Variants in PKD2L1 observed in about 807,000 individuals in gnomAD.
The protein encoded by PKD2L1 is polycystin 2 like 1, transient receptor potential cation channel.
PKD2L1 carries 77 observed loss-of-function variants against 93.0 expected under a neutral mutation model. The ratio of observed to expected loss-of-function variants is 0.83; its 90% CI spans 0.69 to 1.00. The LOEUF (loss-of-function observed/expected upper bound fraction) is 1.00. Among genes scored for constraint, PKD2L1 ranks in the 50% least tolerant of loss-of-function variants. The pLI is 0.00. For missense variants in PKD2L1, 977 were observed against 990.9 expected (o/e 0.99, Z 0.19); for synonymous variants, 390 against 388.0 (o/e 1.01, Z -0.06).
Position 100,304,871 on chromosome 10 carries a change from G to A in PKD2L1, c.350-5153C>T, listed in dbSNP as rs1848762577. 2.0e-5 allele frequency among the ~76,000 whole-genome samples: 3 copies of A among 152,186 alleles called. No homozygotes were observed. In the South Asian group the frequency reaches 6.2e-4, roughly 32 times the overall value. ...ATGTAGCAGAATGAGCATGAGCACT[G>A]CAGCCAGACAGATCTAGGTTCAAAT... is the stretch of plus-strand genomic sequence containing the variant. On this transcript the variant is annotated intron_variant, in intron 2 of 15. Coordinates refer to ENST00000318222, the MANE Select transcript of PKD2L1 (RefSeq NM_016112.3).
At chr10:100,300,316 C>CA (rs1564884896) in intron 2 of PKD2L1, among the ~76,000 whole-genome samples, 1 of 152,050 alleles carries the variant, frequency 6.6e-6, no homozygotes, top group Non-Finnish European at 1.5e-5. Flanking sequence ...GAGAGCGACT[C>CA]AGTGTTCCCA....
In PKD2L1 at chr10:100,297,137, C is replaced by T. The variant is rs564442829; in HGVS notation, c.1028G>A (p.Arg343His). 1.4e-5 allele frequency: 22 copies of T among 1,614,128 alleles called. No individual in the cohort carries two copies. The highest frequency in any genetic ancestry group is 7.7e-5 in the South Asian group (7 of 91,082). ...SWQIRTVKLI[R>H]YVSNWDFFIV... is the part of the protein sequence containing the mutation. ...AAAGAAGTCCCAGTTGCTGACATAG[C>T]GGATCAGCTTGACTGTGCGGATTTG... The change falls in exon 6 of 16, where the codon CGC (arginine) becomes CAC (histidine). Residue 343 changes from arginine (R) to histidine (H), a missense_variant. Coordinates refer to ENST00000318222, the MANE Select transcript of PKD2L1 (RefSeq NM_016112.3).
At position 100,325,269 on chromosome 10, in the gene PKD2L1, G is replaced by A. The variant is rs1411590550; in HGVS notation, c.349+3942C>T. The stretch of plus-strand genomic sequence containing the variant: ...TTTTTACACTCTTGGGGGCTACATC[G>A]TCCCCACTGAGAACCTATGGTCTAG... On this transcript the variant is annotated intron_variant, in intron 2 of 15. Coordinates refer to ENST00000318222, the MANE Select transcript of PKD2L1 (RefSeq NM_016112.3). 3.3e-5 allele frequency among the ~76,000 whole-genome samples: 5 copies of A among 152,042 alleles called. No individual in the cohort carries two copies. The East Asian group carries it at 5.8e-4, about 18-fold the overall frequency.
rs189324946 is a variant in PKD2L1 at position 100,296,738 on chromosome 10, A to G, written c.1185+242T>C. 4.5e-3 allele frequency among the ~76,000 whole-genome samples: 612 copies of G among 137,334 alleles called. 5 individuals are homozygous for G. Among genetic ancestry groups the G allele is most frequent in the African/African-American group, 0.015 (575 of 38,826 alleles). The allele number at this position is 137,334 out of a possible 152,430, so 90.1% of individuals were successfully genotyped here. A position where few individuals can be genotyped will look rare whatever the true frequency, so the allele number is the denominator to read the frequency against. On this transcript the variant is annotated intron_variant, in intron 6 of 15. Coordinates refer to ENST00000318222, the MANE Select transcript of PKD2L1 (RefSeq NM_016112.3). ...AGAGAGGAGCAGAATATAGTACACT[A>G]AAAAAAAAAAACACAGGGCTCAGAT...
intron 2 of PKD2L1, among the ~76,000 whole-genome samples, chr10:100,300,928 G>T (rs150236221): frequency 6.6e-6 from 1 of 152,132 alleles, no homozygotes; most frequent in Non-Finnish European, 1.5e-5. Flanking sequence ...CTCCGCTATC[G>T]GGGGAACCTG....
chr10:100,312,776 T>C (rs1022847973), intron 2 of PKD2L1, among the ~76,000 whole-genome samples: 1 of 152,036 alleles, frequency 6.6e-6, no homozygotes, highest in South Asian at 2.1e-4. Flanking sequence ...CAGAATTGCA[T>C]AAAGAGTTTA....
chr10:100,302,695 A>C (rs202211635), intron 2 of PKD2L1, among the ~76,000 whole-genome samples: 312 of 53,838 alleles, frequency 5.8e-3, no homozygotes, highest in African/African-American at 0.017. Flanking sequence ...CTGTCCCCCA[A>C]AAAAAAAAAA....
chr10:100,327,444 G>A (rs1481964518), intron 2 of PKD2L1, among the ~76,000 whole-genome samples: 2 of 152,304 alleles, frequency 1.3e-5, no homozygotes, highest in Non-Finnish European at 2.9e-5. Context: ...AACATGAGTG[G>A]ATTGGACTCC....
chr10:100,317,102 T>C (rs1351008814), intron 2 of PKD2L1, among the ~76,000 whole-genome samples: 1 of 151,918 alleles, frequency 6.6e-6, no homozygotes, highest in East Asian at 1.9e-4. Context: ...AAAATAAAAA[T>C]AAAATAAAAT....
chr10:100,316,145 C>T (rs562617000), intron 2 of PKD2L1, among the ~76,000 whole-genome samples: 2 of 152,236 alleles, frequency 1.3e-5, no homozygotes, highest in East Asian at 3.9e-4. Flanking sequence ...TTCCTTACTC[C>T]TTGAAGGCAG....
At chr10:100,306,255 T>G (rs185928762) in intron 2 of PKD2L1, among the ~76,000 whole-genome samples, 259 of 152,362 alleles carry the variant, frequency 1.7e-3, no homozygotes, top group African/African-American at 6.1e-3. Context: ...CTTTGAGAAC[T>G]GCTGCCTTGA....
chr10:100,321,634 C>T (rs1388639598), intron 2 of PKD2L1, among the ~76,000 whole-genome samples: 3 of 133,016 alleles, frequency 2.3e-5, no homozygotes, highest in African/African-American at 8.9e-5. Context: ...AATCGTGCCA[C>T]TGCACTCCAG....
Position 100,329,344 on chromosome 10 carries a change from T to C in PKD2L1, c.236-20A>G, listed in dbSNP as rs543461672. On this transcript the variant is annotated intron_variant, in intron 1 of 15. Transcript: ENST00000318222. Reference sequence around the variant, plus strand: ...AAAGTCCTAAGGGGCATGGGAGAGATGCCTGGGATGCTCAGTGGCAGTGTT... The same window carrying C: ...AAAGTCCTAAGGGGCATGGGAGAGACGCCTGGGATGCTCAGTGGCAGTGTT... 6 of 1,614,084 alleles carry C rather than the reference T, an allele frequency of 3.7e-6. No individual in the cohort carries two copies. In the African/African-American group the frequency reaches 8.0e-5, roughly 22 times the overall value.
chr10:100,315,383 A>G (rs1849079604), intron 2 of PKD2L1, among the ~76,000 whole-genome samples: 1 of 151,796 alleles, frequency 6.6e-6, no homozygotes, highest in Non-Finnish European at 1.5e-5. Context: ...AGGTTTTAAG[A>G]CCTGCACGCA....
At chr10:100,298,521 A>AG in intron 4 of PKD2L1, 41 bp downstream of exon 4, 1 of 1,602,192 alleles carries the variant, frequency 6.2e-7, no homozygotes, top group Non-Finnish European at 8.5e-7. Flanking sequence ...TCAGGTTTAG[A>AG]GGGGCAAGCC....
chr10:100,290,433 T>C lies in PKD2L1; in HGVS notation c.2094A>G (p.Ala698=). The part of the protein sequence containing the change: ...QGKSGPEAAR[A]GGWVSGEEFY... ...ATTCTTCTCCTGAAACCCAGCCTCC[T>C]GCTCTGGCAGCCTCTGGACCCGATT... Residue 698 remains alanine (A), a synonymous_variant, in exon 13 of 16, where the codon GCA becomes GCG. Coordinates refer to ENST00000318222, the MANE Select transcript of PKD2L1 (RefSeq NM_016112.3). 5 of 1,613,538 alleles carry C rather than the reference T, an allele frequency of 3.1e-6. No homozygotes were observed. The highest frequency in any genetic ancestry group is 4.2e-6 in the Non-Finnish European group (5 of 1,179,852).
chr10:100,294,975 TG>T lies in PKD2L1; in HGVS notation c.1504del (p.Gln502LysfsTer18). ...AQLGYLLFGTQVENFSTFIKC... is the reference protein window; with the variant it reads ...AQLGYLLFGTXVENFSTFIKC... ...GATGAAAGTGCTAAAGTTTTCCACT[TG>T]GGTCCCGAAAAGCAGGTAGCCGAGT... On this transcript the variant is annotated frameshift_variant, in exon 8 of 16. Coordinates refer to ENST00000318222, the MANE Select transcript of PKD2L1 (RefSeq NM_016112.3). LOFTEE classifies it high-confidence loss of function. 6.2e-7 allele frequency: 1 copy of T among 1,614,100 alleles called. No individual in the cohort carries two copies. Among genetic ancestry groups the T allele is most frequent in the Non-Finnish European group, 8.5e-7 (1 of 1,180,000 alleles).
chr10:100,313,308 G>T (rs1473583643), intron 2 of PKD2L1, among the ~76,000 whole-genome samples: 1 of 152,188 alleles, frequency 6.6e-6, no homozygotes, highest in Non-Finnish European at 1.5e-5. Flanking sequence ...CCTGAGAAGA[G>T]TAGCCCTTGT....
chr10:100,317,671 G>A (rs551419681), intron 2 of PKD2L1, among the ~76,000 whole-genome samples: 2 of 152,322 alleles, frequency 1.3e-5, no homozygotes, highest in African/African-American at 4.8e-5. Flanking sequence ...TGTTATTTTG[G>A]TTGAAGTATA....
Sources: gnomAD v4.1 joint callset for allele counts (sites outside exome capture counted in the v4.1 genomes callset) on GRCh38, gnomAD v4.1.1 for gene constraint, MANE v1.5 for transcripts, NCBI Gene and HGNC (gene_info 2026-07-23, HGNC 2026-07-21) for gene names.